The following LRGUK variants were observed in gnomAD, a reference collection of about 807,000 sequenced individuals.
LRGUK encodes leucine-rich repeat and guanylate kinase domain-containing protein.
In LRGUK, 65 loss-of-function variants were observed where a neutral mutation model predicts 76.0. The ratio of observed to expected loss-of-function variants is 0.85; its 90% CI spans 0.70 to 1.05. The LOEUF is 1.05. LRGUK is among the 50% of genes least tolerant of loss of function. The pLI is 0.00. For synonymous variants in LRGUK, 268 were observed against 265.6 expected (o/e 1.01, Z -0.09); for missense variants, 758 against 732.8 (o/e 1.03, Z -0.40).
chr7:134,129,321 C>A (rs1334943281), intron 1 of LRGUK, among the ~76,000 whole-genome samples: 3 of 110,784 alleles, frequency 2.7e-5, no homozygotes, highest in Non-Finnish European at 5.5e-5. Flanking sequence ...TTCTTTCTTT[C>A]TTCCCTCCCT....
intron 18 of LRGUK, among the ~76,000 whole-genome samples, chr7:134,252,316 T>C (rs1802467123): frequency 1.3e-5 from 2 of 151,778 alleles, no homozygotes; most frequent in African/African-American, 2.4e-5. Context: ...CCAGCCTGAG[T>C]GACAGACCCT....
intron 16 of LRGUK, among the ~76,000 whole-genome samples, chr7:134,235,120 T>C (rs1801983331): frequency 6.6e-6 from 1 of 152,244 alleles, no homozygotes; most frequent in Non-Finnish European, 1.5e-5. Flanking sequence ...GAAGACAGAA[T>C]GATCAATTGC....
At chr7:134,254,961 G>A (rs1208331948) in intron 18 of LRGUK, among the ~76,000 whole-genome samples, 1 of 152,094 alleles carries the variant, frequency 6.6e-6, no homozygotes, top group Non-Finnish European at 1.5e-5. Context: ...TTCTATGTGT[G>A]ATTTTCCTTT....
At chr7:134,252,176 C>CA (rs891622738) in intron 18 of LRGUK, among the ~76,000 whole-genome samples, 5,548 of 139,614 alleles carry the variant, frequency 0.04, 236 homozygotes, top group African/African-American at 0.12. Context: ...CTGTTTATAC[C>CA]AAAAAAAAAA....
intron 5 of LRGUK, among the ~76,000 whole-genome samples, chr7:134,151,527 C>G (rs1418971211): frequency 6.6e-6 from 1 of 152,068 alleles, no homozygotes; most frequent in Non-Finnish European, 1.5e-5. Flanking sequence ...GGCATATTCA[C>G]AATTCATTTT....
At chr7:134,252,826 C>G (rs912361154) in intron 18 of LRGUK, among the ~76,000 whole-genome samples, 4 of 152,166 alleles carry the variant, frequency 2.6e-5, no homozygotes, top group Admixed American at 2.6e-4. Flanking sequence ...CCCTTACCTC[C>G]TGGGTCAAGG....
intron 17 of LRGUK, among the ~76,000 whole-genome samples, chr7:134,248,045 G>T (rs1802353543): frequency 6.6e-6 from 1 of 151,942 alleles, no homozygotes; most frequent in Non-Finnish European, 1.5e-5. Context: ...TTACATTTTT[G>T]TTCACTTGTT....
At chr7:134,239,029 C>T (rs1802074055) in intron 16 of LRGUK, among the ~76,000 whole-genome samples, 2 of 152,222 alleles carry the variant, frequency 1.3e-5, no homozygotes, top group South Asian at 2.1e-4. Flanking sequence ...AGCAAGGGGC[C>T]CCAGGGGGTC....
intron 6 of LRGUK, among the ~76,000 whole-genome samples, chr7:134,158,919 G>A (rs1364574756): frequency 2.6e-5 from 4 of 152,144 alleles, no homozygotes; most frequent in Non-Finnish European, 5.9e-5. Context: ...CCTCTTGGAT[G>A]GTTTTGCTGT....
At chr7:134,245,229 A>T (rs1802271357) in intron 16 of LRGUK, among the ~76,000 whole-genome samples, 2 of 152,220 alleles carry the variant, frequency 1.3e-5, no homozygotes. Context: ...ATAAATAAAA[A>T]GTTCCTATGA....
intron 10 of LRGUK, 50 bp from the exon 11 acceptor site, chr7:134,183,684 G>T (rs1198905206): frequency 1.2e-6 from 2 of 1,608,256 alleles, no homozygotes; most frequent in Non-Finnish European, 1.7e-6. Context: ...TAGTTAATGT[G>T]CTGTCTCCCT....
Position 134,133,649 on chromosome 7 carries a change from GAC to G in LRGUK, c.298-3370_298-3369del, listed in dbSNP as rs752549326. 5.3e-5 allele frequency among the ~76,000 whole-genome samples: 8 copies of G among 152,276 alleles called. No individual in the cohort carries two copies. The East Asian group carries it at 1.5e-3, about 29-fold the overall frequency. On this transcript the variant is annotated intron_variant, in intron 1 of 15. Transcript: ENST00000645682. The stretch of plus-strand genomic sequence containing the variant: ...TTTCCCCCTGATGAATGAGGAACAT[GAC>G]ACAGTCCTGCCTCAATGCAGCAGTT...
chr7:134,148,837 C>A (rs779714280), intron 5 of LRGUK, among the ~76,000 whole-genome samples: 12 of 151,864 alleles, frequency 7.9e-5, no homozygotes, highest in Non-Finnish European at 1.3e-4. Flanking sequence ...ATTGCTTGAA[C>A]CAGGGAAGTG....
intron 19 of LRGUK, among the ~76,000 whole-genome samples, chr7:134,261,338 T>G (rs1285011800): frequency 6.6e-6 from 1 of 152,196 alleles, no homozygotes; most frequent in Non-Finnish European, 1.5e-5. Context: ...CTTTTTATCA[T>G]TTTGGTTTGG....
chr7:134,134,851 G>T (rs1452543159), intron 1 of LRGUK, among the ~76,000 whole-genome samples: 1 of 152,210 alleles, frequency 6.6e-6, no homozygotes, highest in Non-Finnish European at 1.5e-5. Flanking sequence ...TCATCAATTA[G>T]TAGTAACAGA....
chr7:134,189,268 G>C (rs573726334), intron 11 of LRGUK, among the ~76,000 whole-genome samples: 2 of 152,268 alleles, frequency 1.3e-5, no homozygotes, highest in South Asian at 4.2e-4. Flanking sequence ...CAAGGGAAAA[G>C]AAGAATTTTG....
At chr7:134,150,596 C>T (rs534076993) in intron 5 of LRGUK, among the ~76,000 whole-genome samples, 4 of 152,060 alleles carry the variant, frequency 2.6e-5, no homozygotes, top group East Asian at 1.9e-4. Context: ...GCTGATGATG[C>T]CATGGCAGTC....
chr7:134,244,118 A>G (rs1802234537), intron 16 of LRGUK, among the ~76,000 whole-genome samples: 1 of 152,350 alleles, frequency 6.6e-6, no homozygotes, highest in Middle Eastern at 3.4e-3. Context: ...AACCTAGGCA[A>G]TACCATTCAA....
rs140440462 is a variant in LRGUK at position 134,186,812 on chromosome 7, A to G, written c.1334+2959A>G. Among the ~76,000 whole-genome samples the G allele has an allele frequency of 1.4e-4, 21 of 152,350 alleles. 1 individual carries two copies. The highest frequency in any genetic ancestry group is 3.6e-4 in the African/African-American group (15 of 41,582). The stretch of plus-strand genomic sequence containing the variant: ...CTATGTGAAATTTAGGTGGAGGCAC[A>G]AGATGGCAAAACAGAATCCTAAAAT... On this transcript the variant is annotated intron_variant, in intron 11 of 15. Coordinates refer to ENST00000645682, the Ensembl canonical transcript of LRGUK.
Sources: gnomAD v4.1 joint callset for allele counts (sites outside exome capture counted in the v4.1 genomes callset) on GRCh38, gnomAD v4.1.1 for gene constraint, MANE v1.5 for transcripts, NCBI Gene and HGNC (gene_info 2026-07-23, HGNC 2026-07-21) for gene names.